Variants in CPED1 observed in about 807,000 individuals in gnomAD.
CPED1 encodes cadherin-like and PC-esterase domain-containing protein 1.
Under a neutral mutation model 128.2 loss-of-function variants are expected in CPED1, and 114 were observed. The ratio of observed to expected loss-of-function variants is 0.89; its 90% CI spans 0.76 to 1.04. CPED1 has a LOEUF of 1.04. Ranked by LOEUF, CPED1 falls within the 50% of genes least tolerant of loss-of-function variation. The probability of loss-of-function intolerance (pLI) is 0.00; values close to 1 mark genes in which losing one functional copy is unlikely to be tolerated. For missense variants in CPED1, 1,211 were observed against 1,207.1 expected (o/e 1.00, Z -0.05); for synonymous variants, 462 against 426.7 (o/e 1.08, Z -1.02).
chr7:121,066,000 C>G (rs1793822802), intron 5 of CPED1, among the ~76,000 whole-genome samples: 1 of 152,010 alleles, frequency 6.6e-6, no homozygotes, highest in South Asian at 2.1e-4. Context: ...TAAAGCGTAG[C>G]TTTTGTTGTA....
At chr7:121,024,859 G>A (rs1459426501) in intron 3 of CPED1, among the ~76,000 whole-genome samples, 1 of 152,112 alleles carries the variant, frequency 6.6e-6, no homozygotes, top group African/African-American at 2.4e-5. Flanking sequence ...CTTCATACGG[G>A]AGCTTTCAAA....
intron 16 of CPED1, among the ~76,000 whole-genome samples, chr7:121,169,844 A>C (rs1796610003): frequency 6.6e-6 from 1 of 152,184 alleles, no homozygotes; most frequent in Non-Finnish European, 1.5e-5. Flanking sequence ...GTACATTCAA[A>C]TATTTTTTAC....
At chr7:121,271,588 T>C (rs1200782826) in intron 22 of CPED1, among the ~76,000 whole-genome samples, 158 bp downstream of exon 22, 1 of 152,148 alleles carries the variant, frequency 6.6e-6, no homozygotes, top group Non-Finnish European at 1.5e-5. Flanking sequence ...CCAAGGCATG[T>C]AGTAACCACA....
intron 16 of CPED1, among the ~76,000 whole-genome samples, chr7:121,208,242 A>C (rs1331772861): frequency 6.6e-6 from 1 of 152,052 alleles, no homozygotes; most frequent in Non-Finnish European, 1.5e-5. Flanking sequence ...TATGTAATGG[A>C]TACCATGTGT....
At position 120,989,592 on chromosome 7, in the gene CPED1, G is replaced by A; in HGVS notation, c.-30G>A. 3 of 1,608,644 alleles carry A rather than the reference G, an allele frequency of 1.9e-6. No homozygotes were observed. Among genetic ancestry groups the A allele is most frequent in the Non-Finnish European group, 2.5e-6 (3 of 1,177,534 alleles). On this transcript the variant is annotated 5_prime_UTR_variant, in exon 2 of 23. An upstream open reading frame in the 5' UTR gains an earlier in-frame stop. Coordinates refer to ENST00000310396, the MANE Select transcript of CPED1 (RefSeq NM_024913.5). ...GCTGCTATGACTTTTCCCGCAACGT[G>A]GACAGGGGCCAAGTGAAGCTGAACT...
At chr7:121,075,725 A>G (rs1418427509) in intron 5 of CPED1, among the ~76,000 whole-genome samples, 2 of 152,134 alleles carry the variant, frequency 1.3e-5, no homozygotes, top group Non-Finnish European at 2.9e-5. Flanking sequence ...ATAAATTTTA[A>G]CTTTTTGTAA....
intron 3 of CPED1, among the ~76,000 whole-genome samples, chr7:121,034,282 C>A (rs1792826063): frequency 6.8e-6 from 1 of 146,826 alleles, no homozygotes; most frequent in Non-Finnish European, 1.5e-5. Flanking sequence ...GAGTCTCGCC[C>A]TGTCACCCAG....
intron 5 of CPED1, among the ~76,000 whole-genome samples, chr7:121,071,593 C>T (rs1223881124): frequency 6.6e-6 from 1 of 151,966 alleles, no homozygotes; most frequent in African/African-American, 2.4e-5. Flanking sequence ...ATTGCCTAGG[C>T]TGGCCTTAAA....
intron 7 of CPED1, among the ~76,000 whole-genome samples, chr7:121,109,959 G>T (rs1051415115): frequency 2.0e-5 from 3 of 152,112 alleles, no homozygotes; most frequent in African/African-American, 2.4e-5. Context: ...ATATCCAATT[G>T]CATTTTTACT....
Position 121,125,813 on chromosome 7 carries a change from A to G in CPED1, c.1062-7A>G, listed in dbSNP as rs1428867821. The G allele has an allele frequency of 6.2e-7, 1 of 1,606,554 alleles. No homozygotes were observed. The highest frequency in any genetic ancestry group is 8.5e-7 in the Non-Finnish European group (1 of 1,173,738). ...TACTTTTATGGTACCTTGTGTTTTC[A>G]TTTTAGATGCAGATTCTGCTTTCAA... On this transcript the variant is annotated splice_polypyrimidine_tract_variant and splice_region_variant and intron_variant, in intron 8 of 22. Transcript: ENST00000310396.
intron 7 of CPED1, among the ~76,000 whole-genome samples, chr7:121,117,042 CACAT>C (rs1188003011): frequency 2.8e-5 from 4 of 141,550 alleles, no homozygotes; most frequent in Non-Finnish European, 4.5e-5. Flanking sequence ...TATATACACA[CACAT>C]ATATACACAC....
intron 3 of CPED1, among the ~76,000 whole-genome samples, chr7:121,042,577 T>C (rs1050782500): frequency 2.0e-5 from 3 of 152,208 alleles, no homozygotes; most frequent in African/African-American, 7.2e-5. Context: ...GAGATAATGG[T>C]GTAATGTTCA....
chr7:121,060,089 G>C (rs1256483778), intron 4 of CPED1, among the ~76,000 whole-genome samples: 2 of 152,312 alleles, frequency 1.3e-5, no homozygotes, highest in African/African-American at 4.8e-5. Flanking sequence ...CTGCCGGCCC[G>C]GGCAATGAGG....
At chr7:121,129,291 A>ATATATATATATACACG (rs1554438755) in intron 11 of CPED1, among the ~76,000 whole-genome samples, 1,139 of 71,458 alleles carry the variant, frequency 0.016, 36 homozygotes, top group South Asian at 0.1. Context: ...ATATATGTAT[A>ATATATATATATACACG]TATATATATA....
intron 13 of CPED1, 31 bp from the exon 14 acceptor site, chr7:121,136,009 A>T (rs1016092222): frequency 2.1e-6 from 3 of 1,444,044 alleles, no homozygotes. Context: ...AATGGTTTTT[A>T]TTTTAAATTT....
intron 16 of CPED1, among the ~76,000 whole-genome samples, chr7:121,145,607 G>A (rs1023491112): frequency 6.6e-6 from 1 of 152,080 alleles, no homozygotes; most frequent in Non-Finnish European, 1.5e-5. Flanking sequence ...TGAGCTGGGG[G>A]AAGTCAACAG....
intron 22 of CPED1, among the ~76,000 whole-genome samples, chr7:121,291,151 C>G (rs1463955351): frequency 6.6e-6 from 1 of 152,230 alleles, no homozygotes; most frequent in African/African-American, 2.4e-5. Context: ...TCCTCTGTTC[C>G]ATTGGTCTAT....
intron 16 of CPED1, among the ~76,000 whole-genome samples, chr7:121,195,700 C>T (rs1205726024): frequency 3.3e-5 from 5 of 152,130 alleles, no homozygotes; most frequent in Admixed American, 2.6e-4. Context: ...GAAGGACTTC[C>T]AGACAGTTAT....
intron 16 of CPED1, among the ~76,000 whole-genome samples, chr7:121,181,302 A>G (rs914451006): frequency 6.6e-6 from 1 of 152,084 alleles, no homozygotes; most frequent in Non-Finnish European, 1.5e-5. Context: ...AATAAAGAAT[A>G]TTCCACGCAG....
Sources: allele counts gnomAD v4.1 joint callset (sites outside exome capture counted in the v4.1 genomes callset), GRCh38; gene constraint gnomAD v4.1.1; transcripts MANE v1.5; gene names NCBI Gene and HGNC (gene_info 2026-07-23, HGNC 2026-07-21).